The following CFH variants were observed in gnomAD, a reference collection of about 807,000 sequenced individuals.
CFH encodes complement factor H.
Under a neutral mutation model 147.3 loss-of-function variants are expected in CFH, and 53 were observed. The observed-to-expected ratio is 0.36, with a 90% confidence interval of 0.29 to 0.45. CFH has a LOEUF of 0.45. CFH is among the 20% of genes least tolerant of loss of function. The probability of loss-of-function intolerance (pLI) is 1.00; values close to 1 mark genes in which losing one functional copy is unlikely to be tolerated. For missense variants in CFH, 1,380 were observed against 1,498.0 expected, an observed-to-expected ratio of 0.92 and a Z score of 1.30; for synonymous variants, 536 against 489.4, an observed-to-expected ratio of 1.10 and a Z score of -1.26.
intron 1 of CFH, among the ~76,000 whole-genome samples, chr1:196,670,879 A>G (rs1050252368): frequency 1.3e-5 from 2 of 152,144 alleles, no homozygotes; most frequent in African/African-American, 4.8e-5. Context: ...GTTTCTTCAA[A>G]TATTGCCTAT....
chr1:196,741,108 A>C (rs891692425), intron 18 of CFH: 2 of 348,988 alleles, frequency 5.7e-6, no homozygotes, highest in Non-Finnish European at 1.1e-5. Context: ...TCAGTTTATC[A>C]ACAATCTGCC....
At chr1:196,698,414 C>T (rs1020445356) in intron 9 of CFH, among the ~76,000 whole-genome samples, 1 of 152,080 alleles carries the variant, frequency 6.6e-6, no homozygotes, top group Non-Finnish European at 1.5e-5. Flanking sequence ...CAGAGAAATA[C>T]AAACTACCAT....
intron 1 of CFH, among the ~76,000 whole-genome samples, chr1:196,659,200 G>T (rs1666824435): frequency 1.3e-5 from 2 of 152,170 alleles, no homozygotes; most frequent in Non-Finnish European, 1.5e-5. Flanking sequence ...ACCGTTTGTT[G>T]TCTACTTGAA....
intron 1 of CFH, among the ~76,000 whole-genome samples, chr1:196,652,662 C>G (rs917973702): frequency 1.3e-5 from 2 of 151,422 alleles, no homozygotes; most frequent in African/African-American, 4.8e-5. Context: ...CCTTAGAATT[C>G]TTGTAGACAA....
rs546105478 is a variant in CFH at position 196,668,072 on chromosome 1, T to C, written c.59-4906T>C. Among the ~76,000 whole-genome samples the C allele has an allele frequency of 2.6e-5, 4 of 152,276 alleles. No homozygotes were observed. The South Asian group carries it at 8.3e-4, about 32-fold the overall frequency. On this transcript the variant is annotated intron_variant, in intron 1 of 21. Coordinates refer to ENST00000367429, the MANE Select transcript of CFH (RefSeq NM_000186.4). Reference sequence around the variant, plus strand: ...GATTTAAACAGTCAAGGCTCTTTTTTATTTGAGTAAAATATACATAGCATA... The same window carrying C: ...GATTTAAACAGTCAAGGCTCTTTTTCATTTGAGTAAAATATACATAGCATA...
chr1:196,659,536 A>G (rs187169662), intron 1 of CFH, among the ~76,000 whole-genome samples: 72 of 152,318 alleles, frequency 4.7e-4, no homozygotes, highest in African/African-American at 1.7e-3. Flanking sequence ...CAGTGTGCCC[A>G]CAGTAGCAGC....
intron 1 of CFH, among the ~76,000 whole-genome samples, chr1:196,656,773 T>C (rs2149066927): frequency 6.6e-6 from 1 of 151,096 alleles, no homozygotes; most frequent in East Asian, 2.0e-4. Context: ...GAACAATAAC[T>C]GGCATTAGAA....
At chr1:196,661,552 C>T (rs1375557846) in intron 1 of CFH, among the ~76,000 whole-genome samples, 1 of 152,160 alleles carries the variant, frequency 6.6e-6, no homozygotes, top group Admixed American at 6.5e-5. Flanking sequence ...ATGAAAGGGA[C>T]AAGGCAGCTC....
At chr1:196,713,650 A>C (rs1668774790) in intron 9 of CFH, 85 bp from the exon 10 acceptor site, 1 of 903,872 alleles carries the variant, frequency 1.1e-6, no homozygotes. Flanking sequence ...ATGACTCATT[A>C]TTTTTTATAT....
chr1:196,670,140 G>C (rs1667228581), intron 1 of CFH, among the ~76,000 whole-genome samples: 1 of 152,176 alleles, frequency 6.6e-6, no homozygotes, highest in Admixed American at 6.5e-5. Flanking sequence ...TTTACCCAAT[G>C]CCTGTATTCC....
At chr1:196,676,499 A>G (rs1436287219) in intron 4 of CFH, among the ~76,000 whole-genome samples, 1 of 152,068 alleles carries the variant, frequency 6.6e-6, no homozygotes, top group South Asian at 2.1e-4. Flanking sequence ...TTGCCTGTGG[A>G]CTTACCTTTA....
intron 6 of CFH, 41 bp downstream of exon 6, chr1:196,679,834 A>G: frequency 6.6e-7 from 1 of 1,524,890 alleles, no homozygotes; most frequent in Non-Finnish European, 9.0e-7. Flanking sequence ...TAAATTTATC[A>G]CATATTTTAA....
intron 17 of CFH, among the ~76,000 whole-genome samples, chr1:196,740,310 A>T (rs983132615): frequency 6.6e-6 from 1 of 152,182 alleles, no homozygotes; most frequent in African/African-American, 2.4e-5. Context: ...TTTACCTGGA[A>T]TCGTTAACTC....
intron 9 of CFH, chr1:196,701,236 T>C (rs1668439589): frequency 6.3e-7 from 1 of 1,598,146 alleles, no homozygotes. Context: ...GTCAGTCACA[T>C]TCAGTTAGTC....
At chr1:196,656,670 G>A (rs190061798) in intron 1 of CFH, among the ~76,000 whole-genome samples, 1 of 145,020 alleles carries the variant, frequency 6.9e-6, no homozygotes, top group Admixed American at 6.9e-5. Context: ...GTAATACTTG[G>A]TACAATGTGT....
At chr1:196,679,965 G>A (rs1667593323) in intron 6 of CFH, among the ~76,000 whole-genome samples, 172 bp downstream of exon 6, 1 of 151,652 alleles carries the variant, frequency 6.6e-6, no homozygotes, top group African/African-American at 2.4e-5. Context: ...AGTACACTTC[G>A]TACGATACAC....
chr1:196,669,361 G>A (rs958965189), intron 1 of CFH, among the ~76,000 whole-genome samples: 8 of 152,180 alleles, frequency 5.3e-5, no homozygotes, highest in African/African-American at 1.9e-4. Context: ...ACCATGACAA[G>A]GGAAAAATGT....
chr1:196,674,414 T>C (rs1188043826), intron 3 of CFH, among the ~76,000 whole-genome samples: 2 of 152,220 alleles, frequency 1.3e-5, no homozygotes, highest in African/African-American at 4.8e-5. Context: ...GGTTACTTAA[T>C]GTCCCAGGTC....
rs763773248 is a variant in CFH, at chr1:196,673,845, T to A, written c.245-12T>A. Reference sequence around the variant, plus strand: ...ATTACATACTAATTCATAACTTTTTTTTTCGTTTTAGAAAGGCCCTGTGGA... The same window carrying A: ...ATTACATACTAATTCATAACTTTTTATTTCGTTTTAGAAAGGCCCTGTGGA... On this transcript the variant is annotated splice_polypyrimidine_tract_variant and intron_variant, in intron 2 of 21. Coordinates refer to ENST00000367429, the MANE Select transcript of CFH (RefSeq NM_000186.4). The A allele has an allele frequency of 5.7e-6, 9 of 1,573,450 alleles. No homozygotes were observed. The highest frequency in any genetic ancestry group is 3.3e-4 in the Middle Eastern group (2 of 5,974).
Sources: allele counts gnomAD v4.1 joint callset (sites outside exome capture counted in the v4.1 genomes callset), GRCh38; gene constraint gnomAD v4.1.1; transcripts MANE v1.5; gene names NCBI Gene and HGNC (gene_info 2026-07-23, HGNC 2026-07-21).